Variants in ZNF385D observed in about 807,000 individuals in gnomAD.
The protein encoded by ZNF385D is zinc finger protein 385D.
Under a neutral mutation model 35.8 loss-of-function variants are expected in ZNF385D, and 15 were observed. The observed-to-expected ratio is 0.42, with a 90% confidence interval of 0.28 to 0.64. ZNF385D has a LOEUF of 0.64. Among genes scored for constraint, ZNF385D ranks in the 30% least tolerant of loss-of-function variants. The pLI, the probability that ZNF385D is intolerant of heterozygous loss-of-function variation, is 0.23. For synonymous variants in ZNF385D, 212 were observed against 186.8 expected, an observed-to-expected ratio of 1.13 and a Z score of -1.10; for missense variants, 474 against 494.6, an observed-to-expected ratio of 0.96 and a Z score of 0.39.
At chr3:22,218,290 T>C (rs1288955318) in intron 2 of ZNF385D, among the ~76,000 whole-genome samples, 6 of 152,228 alleles carry the variant, frequency 3.9e-5, no homozygotes, top group Admixed American at 1.3e-4. Flanking sequence ...CTTTGACTAA[T>C]TGTATCCCTA....
intron 5 of ZNF385D, among the ~76,000 whole-genome samples, chr3:21,435,275 T>G (rs1701492220): frequency 6.6e-6 from 1 of 150,392 alleles, no homozygotes; most frequent in Non-Finnish European, 1.5e-5. Context: ...TTTTTTTTTT[T>G]TTGAGACAGG....
At chr3:22,307,118 C>T (rs756026855) in intron 2 of ZNF385D, among the ~76,000 whole-genome samples, 8 of 152,048 alleles carry the variant, frequency 5.3e-5, no homozygotes, top group African/African-American at 9.7e-5. Context: ...AAAGTTTCTG[C>T]GCCCTAAAAG....
intron 3 of ZNF385D, among the ~76,000 whole-genome samples, chr3:21,764,841 G>A (rs2070758868): frequency 6.6e-6 from 1 of 152,100 alleles, no homozygotes; most frequent in Non-Finnish European, 1.5e-5. Flanking sequence ...TTATATGCAA[G>A]TTGCGGTATA....
chr3:21,726,781 A>G (rs2068783499), intron 1 of ZNF385D, among the ~76,000 whole-genome samples: 1 of 152,178 alleles, frequency 6.6e-6, no homozygotes, highest in South Asian at 2.1e-4. Context: ...TATCCCCATC[A>G]AGCTACCATT....
intron 3 of ZNF385D, chr3:21,979,896 T>C (rs1694324189): frequency 6.6e-6 from 1 of 152,160 alleles, no homozygotes; most frequent in Non-Finnish European, 1.5e-5. Context: ...GCCTTAAAAT[T>C]CCTTGATACT....
chr3:22,347,978 C>T (rs1186050304), intron 2 of ZNF385D, among the ~76,000 whole-genome samples: 2 of 151,984 alleles, frequency 1.3e-5, no homozygotes, highest in African/African-American at 4.8e-5. Context: ...GAATAAATTC[C>T]TGAAGAAATT....
intron 3 of ZNF385D, among the ~76,000 whole-genome samples, chr3:22,167,945 C>A (rs916315067): frequency 6.6e-6 from 1 of 152,192 alleles, no homozygotes; most frequent in Admixed American, 6.5e-5. Flanking sequence ...GAAGCAATTT[C>A]TACTTTAAGA....
intron 3 of ZNF385D, among the ~76,000 whole-genome samples, chr3:21,905,054 G>A (rs1699604821): frequency 6.6e-6 from 1 of 151,776 alleles, no homozygotes; most frequent in African/African-American, 2.4e-5. Flanking sequence ...ACCTTTCACT[G>A]TAAGAAGTTG....
chr3:22,024,577 G>C (rs1198428811), intron 3 of ZNF385D, among the ~76,000 whole-genome samples: 2 of 151,942 alleles, frequency 1.3e-5, no homozygotes, highest in Non-Finnish European at 2.9e-5. Flanking sequence ...ATAGTATGGA[G>C]AACATACTAT....
rs1468872485 is a variant in ZNF385D, at chr3:22,108,204, C to CACAT, written c.325+60609_325+60612dup. 2.6e-5 allele frequency among the ~76,000 whole-genome samples: 4 copies of CACAT among 152,188 alleles called. No homozygotes were observed. The East Asian group carries it at 7.7e-4, about 29-fold the overall frequency. Reference sequence around the variant, plus strand: ...ATATTTGTATGTCTGCATACATACACACATATATAGAGGACACAATGTTTT... The same window carrying CACAT: ...ATATTTGTATGTCTGCATACATACACACATACATATATAGAGGACACAATGTTTT... On this transcript the variant is annotated intron_variant, in intron 3 of 5. Transcript: ENST00000494108.
chr3:22,186,644 G>C lies in ZNF385D; in HGVS notation c.107-17609C>G, dbSNP rs147204110. On this transcript the variant is annotated intron_variant, in intron 2 of 5. Coordinates refer to the ZNF385D transcript ENST00000494108. Reference sequence around the variant, plus strand: ...AAGGGGCAAATGAGCTGGGTCATAAGAATTTGATATATTTTTGGTCTCATG... The same window carrying C: ...AAGGGGCAAATGAGCTGGGTCATAACAATTTGATATATTTTTGGTCTCATG... 4.7e-4 allele frequency among the ~76,000 whole-genome samples: 72 copies of C among 152,162 alleles called. 4 individuals carry two copies. In the East Asian group the frequency reaches 9.9e-3, roughly 21 times the overall value.
chr3:21,686,336 T>G (rs1264524007), intron 1 of ZNF385D, among the ~76,000 whole-genome samples: 1 of 152,244 alleles, frequency 6.6e-6, no homozygotes, highest in East Asian at 1.9e-4. Flanking sequence ...TAAAAAGATA[T>G]AAATATTGTA....
chr3:22,140,930 T>A (rs1232432381), intron 3 of ZNF385D, among the ~76,000 whole-genome samples: 2 of 152,216 alleles, frequency 1.3e-5, no homozygotes, highest in Non-Finnish European at 2.9e-5. Flanking sequence ...TTGGGGTTGC[T>A]GACCCTTAGG....
At chr3:21,809,944 G>C (rs1421693434) in intron 3 of ZNF385D, among the ~76,000 whole-genome samples, 1 of 152,010 alleles carries the variant, frequency 6.6e-6, no homozygotes, top group African/African-American at 2.4e-5. Context: ...TGTTTCACTG[G>C]AGAGTTCTCA....
intron 3 of ZNF385D, among the ~76,000 whole-genome samples, chr3:21,555,969 A>G (rs1268675170): frequency 6.6e-6 from 1 of 150,742 alleles, no homozygotes; most frequent in Non-Finnish European, 1.5e-5. Flanking sequence ...ACCAGTGATG[A>G]TGAGCTTTTT....
intron 2 of ZNF385D, among the ~76,000 whole-genome samples, chr3:22,177,437 A>G (rs1694911372): frequency 6.6e-6 from 1 of 152,186 alleles, no homozygotes; most frequent in African/African-American, 2.4e-5. Context: ...GTTATTAAAA[A>G]GTCATATGAC....
chr3:21,450,416 C>T (rs1378827257), intron 4 of ZNF385D, among the ~76,000 whole-genome samples: 1 of 152,160 alleles, frequency 6.6e-6, no homozygotes, highest in Non-Finnish European at 1.5e-5. Context: ...GTATTTCTCT[C>T]TTTAAGATTT....
intron 3 of ZNF385D, among the ~76,000 whole-genome samples, chr3:21,920,571 T>C (rs1406050211): frequency 1.3e-5 from 2 of 150,496 alleles, no homozygotes; most frequent in Admixed American, 1.3e-4. Flanking sequence ...CTGAGATCAT[T>C]CTGGAAGAAT....
chr3:21,899,195 T>A (rs1699283100), intron 3 of ZNF385D, among the ~76,000 whole-genome samples: 1 of 152,016 alleles, frequency 6.6e-6, no homozygotes, highest in South Asian at 2.1e-4. Flanking sequence ...CGTGCTACAA[T>A]GCCCAGGACA....
Sources: allele counts gnomAD v4.1 joint callset (sites outside exome capture counted in the v4.1 genomes callset), GRCh38; gene constraint gnomAD v4.1.1; transcripts MANE v1.5; gene names NCBI Gene and HGNC (gene_info 2026-07-23, HGNC 2026-07-21).